The following AFF3 variants were observed in gnomAD, a reference collection of about 807,000 sequenced individuals.
AFF3 encodes ALF transcription elongation factor 3.
Under a neutral mutation model 129.7 loss-of-function variants are expected in AFF3, and 32 were observed. That is an observed-to-expected ratio of 0.25 (90% CI 0.19 to 0.33). The LOEUF is 0.33. Ranked by LOEUF, AFF3 falls within the 10% of genes least tolerant of loss-of-function variation. The pLI is 1.00. For synonymous variants in AFF3, 644 were observed against 635.4 expected (o/e 1.01, Z -0.20); for missense variants, 1,373 against 1,592.0 (o/e 0.86, Z 2.34).
At chr2:99,873,563 C>T (rs1460734465) in intron 7 of AFF3, among the ~76,000 whole-genome samples, 2 of 152,144 alleles carry the variant, frequency 1.3e-5, no homozygotes, top group Admixed American at 1.3e-4. Context: ...ATTCGCAGTA[C>T]ATGTCCTGCA....
intron 4 of AFF3, among the ~76,000 whole-genome samples, chr2:100,018,596 G>A (rs1301247103): frequency 6.6e-6 from 1 of 152,036 alleles, no homozygotes; most frequent in Non-Finnish European, 1.5e-5. Context: ...TTTCTATATA[G>A]TATAAACAGC....
rs558949934 is a variant in AFF3 at position 99,961,882 on chromosome 2, G to A, written c.873+44750C>T. On this transcript the variant is annotated intron_variant, in intron 7 of 24. Transcript: ENST00000672756. Reference sequence around the variant, plus strand: ...AACAAAACCAGGAGGGGTGGAATCCGCAAGGCGGATAGATCAATCACCCCA... The same window carrying A: ...AACAAAACCAGGAGGGGTGGAATCCACAAGGCGGATAGATCAATCACCCCA... Among the ~76,000 whole-genome samples, 17 of 152,268 alleles carry A rather than the reference G, an allele frequency of 1.1e-4. No homozygotes were observed. The South Asian group carries it at 2.9e-3, about 26-fold the overall frequency.
intron 4 of AFF3, among the ~76,000 whole-genome samples, chr2:100,064,968 A>T (rs1267409649): frequency 6.6e-6 from 1 of 152,244 alleles, no homozygotes; most frequent in Non-Finnish European, 1.5e-5. Flanking sequence ...AGTCATGCCG[A>T]TAATGTGCAC....
At chr2:99,966,038 G>A (rs971879549) in intron 7 of AFF3, among the ~76,000 whole-genome samples, 2 of 151,942 alleles carry the variant, frequency 1.3e-5, no homozygotes, top group South Asian at 4.2e-4. Context: ...AAAAATCCAA[G>A]ATATTAAAAT....
intron 9 of AFF3, among the ~76,000 whole-genome samples, chr2:99,747,060 C>T (rs1428032222): frequency 6.6e-6 from 1 of 151,958 alleles, no homozygotes; most frequent in Non-Finnish European, 1.5e-5. Context: ...TGGAGTTTTG[C>T]TCTTGTTGCC....
At chr2:99,943,771 T>C (rs911200503) in intron 7 of AFF3, among the ~76,000 whole-genome samples, 1 of 152,214 alleles carries the variant, frequency 6.6e-6, no homozygotes, top group East Asian at 1.9e-4. Context: ...TCAATGTTCT[T>C]GGTCTCCTCT....
At chr2:99,604,264 C>T (rs574173201) in intron 13 of AFF3, among the ~76,000 whole-genome samples, 1 of 151,954 alleles carries the variant, frequency 6.6e-6, no homozygotes, top group Admixed American at 6.6e-5. Flanking sequence ...AAATGTGGTA[C>T]ACATATACCA....
intron 8 of AFF3, among the ~76,000 whole-genome samples, chr2:99,777,947 CAAAAAAAAAAAAA>C (rs576434643): frequency 6.2e-5 from 3 of 48,340 alleles, no homozygotes; most frequent in Admixed American, 5.9e-4. Flanking sequence ...AAAGCAAAAG[CAAAAAAAAAAAAA>C]AAAAAAAAAA....
At chr2:99,718,022 GATTT>G (rs1052845532) in intron 11 of AFF3, among the ~76,000 whole-genome samples, 1 of 152,042 alleles carries the variant, frequency 6.6e-6, no homozygotes, top group Non-Finnish European at 1.5e-5. Context: ...TTTTTCTATT[GATTT>G]ATTTGTCTGC....
intron 8 of AFF3, among the ~76,000 whole-genome samples, chr2:99,809,481 T>TA (rs1686622145): frequency 6.6e-6 from 1 of 152,156 alleles, no homozygotes; most frequent in Non-Finnish European, 1.5e-5. Flanking sequence ...AAGCAGAAAA[T>TA]AGATTCAATG....
chr2:99,887,760 C>G (rs1469011210), intron 7 of AFF3, among the ~76,000 whole-genome samples: 7 of 152,224 alleles, frequency 4.6e-5, no homozygotes, highest in Admixed American at 4.6e-4. Context: ...AGGCATCGTG[C>G]TCAACTCTTT....
intron 13 of AFF3, among the ~76,000 whole-genome samples, chr2:99,613,380 A>C (rs1333665997): frequency 1.3e-5 from 2 of 152,230 alleles, no homozygotes; most frequent in Non-Finnish European, 2.9e-5. Context: ...AGAACCTTTT[A>C]GAATGGCAAT....
At chr2:99,643,016 T>A (rs1054895803) in intron 13 of AFF3, among the ~76,000 whole-genome samples, 19 of 151,892 alleles carry the variant, frequency 1.3e-4, no homozygotes, top group Non-Finnish European at 2.9e-5. Flanking sequence ...AGGTAATGGA[T>A]TTTTTAAAAG....
chr2:99,753,247 G>A (rs1191885255), intron 8 of AFF3, among the ~76,000 whole-genome samples: 10 of 151,926 alleles, frequency 6.6e-5, no homozygotes, highest in Non-Finnish European at 1.0e-4. Flanking sequence ...TTACAGGTGC[G>A]TGCCACCATG....
chr2:99,974,385 T>A (rs887124614), intron 7 of AFF3, among the ~76,000 whole-genome samples: 17 of 152,188 alleles, frequency 1.1e-4, no homozygotes, highest in Admixed American at 1.3e-4. Context: ...CATCAATAAG[T>A]GTACTCAAGC....
chr2:100,071,312 T>C (rs1036881613), intron 4 of AFF3, among the ~76,000 whole-genome samples: 3 of 152,308 alleles, frequency 2.0e-5, no homozygotes, highest in African/African-American at 7.2e-5. Context: ...AGAAGAAATC[T>C]GAGATATCTT....
chr2:99,572,379 G>A (rs971147728), intron 18 of AFF3, among the ~76,000 whole-genome samples: 8 of 145,446 alleles, frequency 5.5e-5, no homozygotes, highest in Non-Finnish European at 8.9e-5. Context: ...TCTGGCATGG[G>A]AATATTAAAG....
intron 4 of AFF3, among the ~76,000 whole-genome samples, chr2:100,067,168 C>T (rs965416692): frequency 7.0e-6 from 1 of 143,566 alleles, no homozygotes; most frequent in African/African-American, 2.7e-5. Context: ...TCTGTTCATG[C>T]TTCCACATAG....
At chr2:100,017,253 TACTTTCCCCC>T (rs1683212144) in intron 4 of AFF3, among the ~76,000 whole-genome samples, 1 of 152,198 alleles carries the variant, frequency 6.6e-6, no homozygotes, top group Admixed American at 6.5e-5. Context: ...ATGTTCACTC[TACTTTCCCCC>T]AACAGCACTA....
Sources: gnomAD v4.1 joint callset for allele counts (sites outside exome capture counted in the v4.1 genomes callset) on GRCh38, gnomAD v4.1.1 for gene constraint, MANE v1.5 for transcripts, NCBI Gene and HGNC (gene_info 2026-07-23, HGNC 2026-07-21) for gene names.